Variants in SBF2 observed in about 807,000 individuals in gnomAD.
The protein encoded by SBF2 is myotubularin-related protein 13.
Under a neutral mutation model 225.2 loss-of-function variants are expected in SBF2, and 112 were observed. The ratio of observed to expected loss-of-function variants is 0.50; its 90% CI spans 0.43 to 0.58. The LOEUF is 0.58. Ranked by LOEUF, SBF2 falls within the 20% of genes least tolerant of loss-of-function variation. SBF2 has a pLI of 0.00. For missense variants in SBF2, 1,996 were observed against 2,206.2 expected (o/e 0.90, Z 1.91); for synonymous variants, 763 against 773.3 (o/e 0.99, Z 0.22).
chr11:10,156,186 A>G (rs1292513931), intron 2 of SBF2, among the ~76,000 whole-genome samples: 1 of 152,196 alleles, frequency 6.6e-6, no homozygotes, highest in Non-Finnish European at 1.5e-5. Flanking sequence ...GCTGTGGCTG[A>G]GCCTGGATGC....
In SBF2 at chr11:9,847,019, T is replaced by C; in HGVS notation, c.2871A>G (p.Thr957=). ...TGTTCTGCTGTAGCTGGTTCTGCAT[T>C]GTAATCTTCTTCTCCTTGGTGATGG... The part of the protein sequence containing the change: ...IASITKEKKI[T]MQNQLQQNMQ... Residue 957 remains threonine, a synonymous_variant, in exon 23 of 40, where the codon ACA becomes ACG. Transcript: ENST00000256190. 1 of 1,613,864 alleles carries C rather than the reference T, an allele frequency of 6.2e-7. No individual in the cohort carries two copies. Among genetic ancestry groups the C allele is most frequent in the Non-Finnish European group, 8.5e-7 (1 of 1,179,762 alleles).
At chr11:10,081,730 A>G (rs1951373014) in intron 2 of SBF2, among the ~76,000 whole-genome samples, 1 of 149,568 alleles carries the variant, frequency 6.7e-6, no homozygotes, top group African/African-American at 2.5e-5. Context: ...ACTGCACTCC[A>G]GCCTGACCCA....
At chr11:10,032,208 T>C (rs1330957213) in intron 3 of SBF2, among the ~76,000 whole-genome samples, 2 of 152,192 alleles carry the variant, frequency 1.3e-5, no homozygotes, top group Admixed American at 1.3e-4. Flanking sequence ...GTTAATAAAC[T>C]TGACAAAATA....
chr11:10,135,284 C>T (rs1221814346), intron 2 of SBF2, among the ~76,000 whole-genome samples: 1 of 151,976 alleles, frequency 6.6e-6, no homozygotes, highest in Non-Finnish European at 1.5e-5. Context: ...ACCATTTTTT[C>T]CTCCTAGGCC....
chr11:10,256,655 T>C (rs928989905), intron 1 of SBF2, among the ~76,000 whole-genome samples: 4 of 152,162 alleles, frequency 2.6e-5, no homozygotes, highest in Admixed American at 2.0e-4. Flanking sequence ...ATTAGATAAA[T>C]TCAGACTTAA....
intron 13 of SBF2, among the ~76,000 whole-genome samples, chr11:9,988,810 T>C (rs565308008): frequency 1.3e-5 from 2 of 152,296 alleles, no homozygotes; most frequent in East Asian, 3.9e-4. Context: ...GTTGGGAATG[T>C]AAACTAGTAC....
At chr11:9,948,109 A>G (rs1408102084) in intron 16 of SBF2, among the ~76,000 whole-genome samples, 1 of 151,934 alleles carries the variant, frequency 6.6e-6, no homozygotes, top group African/African-American at 2.4e-5. Context: ...TAGCCTTAAA[A>G]AGGAAGGAAA....
chr11:9,908,699 T>C (rs925461358), intron 16 of SBF2, among the ~76,000 whole-genome samples: 1 of 151,288 alleles, frequency 6.6e-6, no homozygotes, highest in African/African-American at 2.4e-5. Context: ...GTTGTTGCTG[T>C]TGTTGTTGTT....
At chr11:10,166,649 T>C (rs1018296710) in intron 2 of SBF2, among the ~76,000 whole-genome samples, 1 of 152,040 alleles carries the variant, frequency 6.6e-6, no homozygotes. Context: ...TCGAAAGTAA[T>C]AGAATTATTT....
chr11:9,792,408 C>G (rs908261695), intron 33 of SBF2, among the ~76,000 whole-genome samples: 1 of 149,290 alleles, frequency 6.7e-6, no homozygotes, highest in Admixed American at 6.7e-5. Flanking sequence ...TCCAGCCTGG[C>G]GACAGTGTGA....
At chr11:10,254,899 T>C (rs181254128) in intron 1 of SBF2, among the ~76,000 whole-genome samples, 1,176 of 15,704 alleles carry the variant, frequency 0.075, 14 homozygotes, top group African/African-American at 0.25. Flanking sequence ...AGACTCTGTC[T>C]CAAAAAAAAA....
At chr11:9,982,980 G>A (rs941969678) in intron 13 of SBF2, among the ~76,000 whole-genome samples, 21 of 152,174 alleles carry the variant, frequency 1.4e-4, no homozygotes, top group Non-Finnish European at 2.2e-4. Flanking sequence ...GGATCCCTCA[G>A]AAGGGTGGCC....
intron 1 of SBF2, among the ~76,000 whole-genome samples, chr11:10,240,274 A>AC (rs1959191064): frequency 6.6e-6 from 1 of 151,252 alleles, no homozygotes; most frequent in East Asian, 2.0e-4. Context: ...AAAAAAAAAA[A>AC]ACAGGATAAC....
intron 1 of SBF2, among the ~76,000 whole-genome samples, chr11:10,210,097 G>A (rs183735313): frequency 1.3e-5 from 2 of 152,240 alleles, no homozygotes; most frequent in East Asian, 1.9e-4. Flanking sequence ...CTTGAGCCCA[G>A]GAGTTCCAGT....
In SBF2 at chr11:9,850,219, C is replaced by T. The variant is rs1856823391; in HGVS notation, c.2611-1G>A. ...GCAGAGCAGGTCTAAGAATCTTGGG[C>T]TTACAACAGAAAAAGATTGATTGAT... On this transcript the variant is annotated splice_acceptor_variant, in intron 21 of 39. Coordinates refer to ENST00000256190, the MANE Select transcript of SBF2 (RefSeq NM_030962.4). LOFTEE classifies it high-confidence loss of function. The T allele has an allele frequency of 6.2e-7, 1 of 1,612,692 alleles. No individual in the cohort carries two copies. Among genetic ancestry groups the T allele is most frequent in the Non-Finnish European group, 8.5e-7 (1 of 1,179,798 alleles).
At chr11:9,805,589 G>C (rs1853769482) in intron 32 of SBF2, among the ~76,000 whole-genome samples, 1 of 152,074 alleles carries the variant, frequency 6.6e-6, no homozygotes. Flanking sequence ...GCTTTTGGAA[G>C]ATTATGCCAG....
At chr11:10,208,394 C>A (rs1320496934) in intron 1 of SBF2, among the ~76,000 whole-genome samples, 2 of 152,072 alleles carry the variant, frequency 1.3e-5, no homozygotes, top group Admixed American at 6.5e-5. Flanking sequence ...AAAGAACTCC[C>A]GGCTACTTCA....
At chr11:9,794,403 G>C (rs188113783) in intron 33 of SBF2, among the ~76,000 whole-genome samples, 1 of 150,872 alleles carries the variant, frequency 6.6e-6, no homozygotes, top group Admixed American at 6.6e-5. Context: ...GGCCAGGCGT[G>C]GTGGCTCACG....
At chr11:10,009,047 C>T (rs923677214) in intron 6 of SBF2, among the ~76,000 whole-genome samples, 8 of 152,096 alleles carry the variant, frequency 5.3e-5, no homozygotes, top group Non-Finnish European at 1.2e-4. Context: ...TGTCCCATAG[C>T]CCTTTTGGGT....
Sources: allele counts gnomAD v4.1 joint callset (sites outside exome capture counted in the v4.1 genomes callset), GRCh38; gene constraint gnomAD v4.1.1; transcripts MANE v1.5; gene names NCBI Gene and HGNC (gene_info 2026-07-23, HGNC 2026-07-21).